LRRTM4: variants seen among roughly 807,000 people sequenced by gnomAD.
LRRTM4 encodes the protein leucine-rich repeat transmembrane neuronal protein 4.
Under a neutral mutation model 47.6 loss-of-function variants are expected in LRRTM4, and 25 were observed. The observed-to-expected ratio is 0.53, with a 90% confidence interval of 0.38 to 0.73. The LOEUF (loss-of-function observed/expected upper bound fraction) is 0.73, where lower values mean the gene tolerates loss of function less well. Among genes scored for constraint, LRRTM4 ranks in the 30% least tolerant of loss-of-function variants. The probability of loss-of-function intolerance (pLI) is 0.00; values close to 1 mark genes in which losing one functional copy is unlikely to be tolerated. For synonymous variants in LRRTM4, 311 were observed against 269.5 expected (o/e 1.15, Z -1.51); for missense variants, 638 against 713.4 (o/e 0.89, Z 1.20).
intron 3 of LRRTM4, among the ~76,000 whole-genome samples, chr2:76,759,042 T>TAA: frequency 6.6e-6 from 1 of 152,300 alleles, no homozygotes; most frequent in East Asian, 1.9e-4. Context: ...TTTGATTTTT[T>TAA]TGTTTCTAAC....
intron 3 of LRRTM4, among the ~76,000 whole-genome samples, chr2:76,777,356 G>A (rs1674077643): frequency 7.1e-6 from 1 of 141,758 alleles, no homozygotes; most frequent in South Asian, 2.5e-4. Context: ...GGGCAGTATG[G>A]CCATTTTCAC....
At chr2:77,365,206 C>T (rs1004744419) in intron 3 of LRRTM4, among the ~76,000 whole-genome samples, 1 of 151,990 alleles carries the variant, frequency 6.6e-6, no homozygotes, top group Non-Finnish European at 1.5e-5. Context: ...TTACCCAGAA[C>T]ATGTTTACTG....
At chr2:77,092,293 G>A (rs1315631669) in intron 3 of LRRTM4, among the ~76,000 whole-genome samples, 1 of 151,746 alleles carries the variant, frequency 6.6e-6, no homozygotes, top group African/African-American at 2.4e-5. Flanking sequence ...TGATCCACCT[G>A]ACATTCACCC....
At chr2:77,423,050 T>C (rs187856056) in intron 3 of LRRTM4, among the ~76,000 whole-genome samples, 70 of 152,222 alleles carry the variant, frequency 4.6e-4, no homozygotes, top group African/African-American at 1.5e-3. Flanking sequence ...TCATATTGTG[T>C]TTAATTTTAA....
chr2:77,415,559 C>T (rs1356748383), intron 3 of LRRTM4, among the ~76,000 whole-genome samples: 1 of 152,144 alleles, frequency 6.6e-6, no homozygotes, highest in African/African-American at 2.4e-5. Context: ...TCTATGGAAA[C>T]TTTTGCACAT....
intron 3 of LRRTM4, among the ~76,000 whole-genome samples, chr2:77,211,872 T>G (rs992482491): frequency 6.6e-6 from 1 of 152,134 alleles, no homozygotes; most frequent in Non-Finnish European, 1.5e-5. Flanking sequence ...TAGCTATATT[T>G]CTTAATTTTC....
intron 3 of LRRTM4, among the ~76,000 whole-genome samples, chr2:77,327,580 GA>G (rs1670823665): frequency 6.6e-6 from 1 of 152,178 alleles, no homozygotes; most frequent in South Asian, 2.1e-4. Flanking sequence ...AGGTAGGAAT[GA>G]AAAGGAGAAA....
At chr2:76,919,613 G>A (rs564171697) in intron 3 of LRRTM4, among the ~76,000 whole-genome samples, 133 of 152,216 alleles carry the variant, frequency 8.7e-4, no homozygotes, top group Non-Finnish European at 1.2e-3. Flanking sequence ...AAGCCGATAC[G>A]AGCCCTGACA....
At chr2:77,334,841 T>G (rs192822183) in intron 3 of LRRTM4, among the ~76,000 whole-genome samples, 1 of 152,208 alleles carries the variant, frequency 6.6e-6, no homozygotes, top group Non-Finnish European at 1.5e-5. Flanking sequence ...CTTTTAGTTT[T>G]CTAACCCCCA....
At chr2:77,089,903 C>T (rs957623143) in intron 3 of LRRTM4, among the ~76,000 whole-genome samples, 2 of 152,092 alleles carry the variant, frequency 1.3e-5, no homozygotes, top group African/African-American at 4.8e-5. Flanking sequence ...TTTTACACAT[C>T]AGTCCCTTCC....
intron 3 of LRRTM4, among the ~76,000 whole-genome samples, chr2:76,780,708 C>T (rs1259858980): frequency 6.6e-6 from 1 of 152,098 alleles, no homozygotes; most frequent in Non-Finnish European, 1.5e-5. Context: ...GTTTCAATGT[C>T]CTCCCGTAGC....
intron 3 of LRRTM4, chr2:77,009,275 G>A (rs1434129548): frequency 6.6e-6 from 1 of 152,124 alleles, no homozygotes; most frequent in Admixed American, 6.6e-5. Context: ...ATTGGCGTCT[G>A]TAAGAAATAC....
chr2:76,997,903 G>GC, intron 3 of LRRTM4, among the ~76,000 whole-genome samples: 1 of 151,650 alleles, frequency 6.6e-6, no homozygotes, highest in East Asian at 1.9e-4. Context: ...TGTGAACTGC[G>GC]CATGTGAGGG....
intron 3 of LRRTM4, among the ~76,000 whole-genome samples, chr2:76,778,728 T>C (rs1045140463): frequency 6.6e-6 from 1 of 151,258 alleles, no homozygotes; most frequent in Non-Finnish European, 1.5e-5. Context: ...GATTCATTAA[T>C]TTTTTGAAGG....
chr2:76,875,491 T>G (rs926502312), intron 3 of LRRTM4, among the ~76,000 whole-genome samples: 1 of 152,072 alleles, frequency 6.6e-6, no homozygotes, highest in African/African-American at 2.4e-5. Context: ...GTTGGAAAAA[T>G]GAATGAATTG....
At chr2:77,203,254 T>C (rs1470031125) in intron 3 of LRRTM4, among the ~76,000 whole-genome samples, 1 of 151,912 alleles carries the variant, frequency 6.6e-6, no homozygotes, top group Non-Finnish European at 1.5e-5. Flanking sequence ...GTCTCCATTC[T>C]CAGAAAAGGA....
intron 3 of LRRTM4, among the ~76,000 whole-genome samples, chr2:77,094,003 A>G (rs150674711): frequency 0.039 from 4,978 of 128,648 alleles, 108 homozygotes; most frequent in African/African-American, 0.053. Context: ...CCCCACCCCT[A>G]TCTCCCTTCG....
intron 3 of LRRTM4, among the ~76,000 whole-genome samples, chr2:76,787,601 A>G (rs1024570158): frequency 2.0e-5 from 3 of 152,112 alleles, no homozygotes; most frequent in African/African-American, 7.2e-5. Flanking sequence ...GTTTTGGTTA[A>G]ATTGAAAAAA....
chr2:77,117,495 G>T (rs1386294116), intron 3 of LRRTM4, among the ~76,000 whole-genome samples: 1 of 151,502 alleles, frequency 6.6e-6, no homozygotes, highest in African/African-American at 2.4e-5. Context: ...TTACTCAAGT[G>T]CCATCCTTGT....
Sources: gnomAD v4.1 joint callset for allele counts (sites outside exome capture counted in the v4.1 genomes callset) on GRCh38, gnomAD v4.1.1 for gene constraint, MANE v1.5 for transcripts, NCBI Gene and HGNC (gene_info 2026-07-23, HGNC 2026-07-21) for gene names.